Variants in MARCHF1 observed in about 807,000 individuals in gnomAD.
The protein encoded by MARCHF1 is membrane associated ring-CH-type finger 1.
MARCHF1 carries 40 observed loss-of-function variants against 54.2 expected under a neutral mutation model. The observed-to-expected ratio is 0.74, with a 90% CI of 0.57 to 0.96. MARCHF1 has a LOEUF of 0.96. MARCHF1 is among the 40% of genes least tolerant of loss of function. The pLI, the probability that MARCHF1 is intolerant of heterozygous loss-of-function variation, is 0.00. For synonymous variants in MARCHF1, 236 were observed against 236.3 expected (o/e 1.00, Z 0.01); for missense variants, 586 against 656.5 (o/e 0.89, Z 1.17).
intron 5 of MARCHF1, among the ~76,000 whole-genome samples, chr4:163,683,270 T>C (rs112994364): frequency 0.16 from 25,014 of 152,192 alleles, 2,273 homozygotes; most frequent in Middle Eastern, 0.23. Context: ...ACATCTCACA[T>C]GGTGGTCGAC....
At chr4:164,140,651 C>A (rs998503303) in intron 1 of MARCHF1, among the ~76,000 whole-genome samples, 3 of 152,170 alleles carry the variant, frequency 2.0e-5, no homozygotes, top group African/African-American at 7.2e-5. Flanking sequence ...CAGCACCCAA[C>A]TAAAGTCTTC....
chr4:163,628,308 A>G (rs1741944765), intron 5 of MARCHF1, among the ~76,000 whole-genome samples: 1 of 152,200 alleles, frequency 6.6e-6, no homozygotes, highest in South Asian at 2.1e-4. Flanking sequence ...CAAAAACCAC[A>G]TGATTATCTC....
chr4:164,107,507 C>G (rs1337443981), intron 2 of MARCHF1, among the ~76,000 whole-genome samples: 1 of 152,006 alleles, frequency 6.6e-6, no homozygotes, highest in Non-Finnish European at 1.5e-5. Flanking sequence ...AAACTACAGG[C>G]AAGTACCACC....
intron 8 of MARCHF1, among the ~76,000 whole-genome samples, chr4:163,555,087 T>C (rs1397246915): frequency 6.6e-6 from 1 of 152,126 alleles, no homozygotes; most frequent in Non-Finnish European, 1.5e-5. Flanking sequence ...ATAATGATGA[T>C]ATGAATGGAA....
intron 1 of MARCHF1, among the ~76,000 whole-genome samples, chr4:164,115,557 A>G (rs1055479911): frequency 1.3e-5 from 2 of 152,112 alleles, no homozygotes; most frequent in Non-Finnish European, 2.9e-5. Context: ...CATTGGCATC[A>G]AGTAATGTGA....
intron 1 of MARCHF1, among the ~76,000 whole-genome samples, chr4:164,320,730 T>A (rs1347930550): frequency 1.3e-5 from 2 of 151,902 alleles, no homozygotes; most frequent in African/African-American, 4.8e-5. Flanking sequence ...TTGGAACTGG[T>A]GACCCCTCCA....
At chr4:164,190,840 T>A (rs982551424) in intron 1 of MARCHF1, among the ~76,000 whole-genome samples, 12 of 152,228 alleles carry the variant, frequency 7.9e-5, no homozygotes, top group African/African-American at 2.9e-4. Context: ...AGGTTCAGAC[T>A]TTTTAGGGCA....
chr4:164,172,821 C>CA (rs1175168363), intron 1 of MARCHF1, among the ~76,000 whole-genome samples: 1 of 151,870 alleles, frequency 6.6e-6, no homozygotes, highest in African/African-American at 2.4e-5. Context: ...ACTAAAAATA[C>CA]AAAAAATTAG....
chr4:164,369,366 TG>T (rs1343756230), intron 1 of MARCHF1, among the ~76,000 whole-genome samples: 1 of 152,172 alleles, frequency 6.6e-6, no homozygotes, highest in Non-Finnish European at 1.5e-5. Context: ...ATTTGAAAAT[TG>T]GACACCATGA....
intron 2 of MARCHF1, among the ~76,000 whole-genome samples, chr4:164,082,639 T>G (rs1755123618): frequency 6.6e-6 from 1 of 152,118 alleles, no homozygotes; most frequent in Admixed American, 6.5e-5. Flanking sequence ...ACAAAAGACA[T>G]CAAGTAATTG....
chr4:163,942,901 A>C (rs1751941901), intron 3 of MARCHF1, among the ~76,000 whole-genome samples: 1 of 151,932 alleles, frequency 6.6e-6, no homozygotes, highest in Admixed American at 6.6e-5. Context: ...CTTCAATGTG[A>C]AACTGTACTT....
intron 8 of MARCHF1, among the ~76,000 whole-genome samples, chr4:163,582,680 C>T (rs1302388504): frequency 6.6e-6 from 1 of 152,092 alleles, no homozygotes; most frequent in Non-Finnish European, 1.5e-5. Context: ...AATGGAATTA[C>T]CAAGTTGAAG....
intron 4 of MARCHF1, among the ~76,000 whole-genome samples, chr4:163,721,133 T>A (rs887200866): frequency 6.6e-6 from 1 of 152,200 alleles, no homozygotes; most frequent in Non-Finnish European, 1.5e-5. Context: ...GCTTCCAGTT[T>A]TTGCCCATTC....
chr4:163,547,020 C>T lies in MARCHF1; in HGVS notation c.1192-1277G>A, dbSNP rs184262175. ...GCTTTTAATAATCTAGGATTCTTTA[C>T]ATTATTACGCCCTCACTAAAGCAAA... On this transcript the variant is annotated intron_variant, in intron 8 of 9. Coordinates refer to ENST00000514618, the MANE Select transcript of MARCHF1 (RefSeq NM_001394959.1). Among the ~76,000 whole-genome samples, 116 of 152,226 alleles carry T rather than the reference C, an allele frequency of 7.6e-4. 1 individual carries two copies. The highest frequency in any genetic ancestry group is 2.7e-3 in the African/African-American group (114 of 41,540).
In MARCHF1 at chr4:164,219,367, GT is replaced by G. The variant is rs532688446; in HGVS notation, c.-322-107706del. 7.6e-4 allele frequency among the ~76,000 whole-genome samples: 115 copies of G among 152,146 alleles called. 2 individuals are homozygous for G. Among genetic ancestry groups the G allele is most frequent in the African/African-American group, 2.6e-3 (108 of 41,538 alleles). On this transcript the variant is annotated intron_variant, in intron 1 of 9. Coordinates refer to ENST00000514618, the MANE Select transcript of MARCHF1 (RefSeq NM_001394959.1). Reference sequence around the variant, plus strand: ...CAAAAATCAGTTTTAAAGTTCAGATGTTATTTTTCATCTCATCTAAAACCAA... The same window carrying G: ...CAAAAATCAGTTTTAAAGTTCAGATGTATTTTTCATCTCATCTAAAACCAA...
chr4:163,886,304 CATAGATAG>C (rs10560054), intron 3 of MARCHF1, among the ~76,000 whole-genome samples: 15,360 of 145,032 alleles, frequency 0.11, 876 homozygotes, highest in Middle Eastern at 0.15. Context: ...TCTTAATAGA[CATAGATAG>C]ATAGATAGAT....
Position 163,855,103 on chromosome 4 carries a change from C to CACTA in MARCHF1, c.-38-938_-38-935dup, listed in dbSNP as rs1256158905. Among the ~76,000 whole-genome samples the CACTA allele has an allele frequency of 2.0e-5, 3 of 152,240 alleles. No homozygotes were observed. In the East Asian group the frequency reaches 5.8e-4, roughly 29 times the overall value. On this transcript the variant is annotated intron_variant, in intron 3 of 9. Transcript: ENST00000514618. Reference sequence around the variant, plus strand: ...AGATTCAAAACTGCACATTTCATAGCACTAAGAAAAGTAACATAAGAACGG... The same window carrying CACTA: ...AGATTCAAAACTGCACATTTCATAGCACTAACTAAGAAAAGTAACATAAGAACGG...
At chr4:163,806,097 G>A (rs1474195062) in intron 4 of MARCHF1, among the ~76,000 whole-genome samples, 1 of 152,158 alleles carries the variant, frequency 6.6e-6, no homozygotes, top group Non-Finnish European at 1.5e-5. Context: ...CTTATTAGGT[G>A]CAGGCCTGAA....
chr4:164,155,017 T>A (rs1402210610), intron 1 of MARCHF1, among the ~76,000 whole-genome samples: 2 of 152,142 alleles, frequency 1.3e-5, no homozygotes, highest in Admixed American at 6.6e-5. Context: ...CCAGCCAAAC[T>A]CCTCCTAACA....
Sources: gnomAD v4.1 joint callset for allele counts (sites outside exome capture counted in the v4.1 genomes callset) on GRCh38, gnomAD v4.1.1 for gene constraint, MANE v1.5 for transcripts, NCBI Gene and HGNC (gene_info 2026-07-23, HGNC 2026-07-21) for gene names.